The following ST18 variants were observed in gnomAD, a reference collection of about 807,000 sequenced individuals.
ST18 encodes ST18 C2H2C-type zinc finger transcription factor, also known as suppression of tumorigenicity 18 protein.
A neutral mutation model predicts 110.0 loss-of-function variants in ST18; 50 were observed. That is an observed-to-expected ratio of 0.45 (90% CI 0.36 to 0.58). The LOEUF (loss-of-function observed/expected upper bound fraction) is 0.58. ST18 is among the 20% of genes least tolerant of loss of function. The pLI, the probability that ST18 is intolerant of heterozygous loss-of-function variation, is 0.00. For missense variants in ST18, 1,306 were observed against 1,280.1 expected (o/e 1.02, Z -0.31); for synonymous variants, 461 against 452.4 (o/e 1.02, Z -0.24).
At chr8:52,301,907 G>A (rs111619458) in intron 2 of ST18, 2 of 152,410 alleles carry the variant, frequency 1.3e-5, no homozygotes, top group African/African-American at 4.8e-5. Flanking sequence ...GTAAGGAGGT[G>A]GCGTGGGCAC....
intron 2 of ST18, among the ~76,000 whole-genome samples, chr8:52,261,378 C>T (rs191650160): frequency 1.3e-5 from 2 of 152,270 alleles, no homozygotes; most frequent in South Asian, 2.1e-4. Flanking sequence ...CATCTCTGCT[C>T]TACACCATGG....
intron 8 of ST18, among the ~76,000 whole-genome samples, chr8:52,208,324 A>G (rs777379715): frequency 1.3e-5 from 2 of 152,248 alleles, no homozygotes; most frequent in Non-Finnish European, 2.9e-5. Context: ...AAAACATGCC[A>G]CATTTCCTAA....
intron 8 of ST18, among the ~76,000 whole-genome samples, chr8:52,185,959 T>A (rs2071969415): frequency 6.6e-6 from 1 of 152,160 alleles, no homozygotes; most frequent in Non-Finnish European, 1.5e-5. Context: ...TGAAAAACTT[T>A]CATTTATCAG....
At chr8:52,311,413 A>G (rs1425385673) in intron 2 of ST18, among the ~76,000 whole-genome samples, 2 of 152,044 alleles carry the variant, frequency 1.3e-5, no homozygotes, top group East Asian at 3.9e-4. Flanking sequence ...CTGGACCCTC[A>G]CTTCCTGCCT....
chr8:52,398,844 A>AT (rs1178430203), intron 2 of ST18, among the ~76,000 whole-genome samples: 1 of 152,024 alleles, frequency 6.6e-6, no homozygotes, highest in East Asian at 1.9e-4. Context: ...GTTTGCTAAT[A>AT]TTTTGTTGAG....
At chr8:52,285,748 C>T (rs2095460990) in intron 2 of ST18, among the ~76,000 whole-genome samples, 1 of 152,186 alleles carries the variant, frequency 6.6e-6, no homozygotes, top group African/African-American at 2.4e-5. Context: ...GGAATATATC[C>T]AATTTCTGCG....
intron 8 of ST18, among the ~76,000 whole-genome samples, chr8:52,204,838 C>G (rs964043104): frequency 6.6e-6 from 1 of 152,158 alleles, no homozygotes; most frequent in Non-Finnish European, 1.5e-5. Context: ...CTTAGACTCT[C>G]AGCTCCTGTA....
At chr8:52,185,522 T>A (rs908517915) in intron 8 of ST18, among the ~76,000 whole-genome samples, 15 of 152,118 alleles carry the variant, frequency 9.9e-5, no homozygotes, top group African/African-American at 2.9e-4. Flanking sequence ...ATGTCAAAAC[T>A]TGTCATAAAA....
Position 52,365,633 on chromosome 8 carries a change from C to A in ST18, c.-465+43695G>T, listed in dbSNP as rs1194928117. Among the ~76,000 whole-genome samples the A allele has an allele frequency of 4.6e-5, 7 of 151,032 alleles. No homozygotes were observed. In the South Asian group the frequency reaches 6.2e-4, roughly 13 times the overall value. ...TGTCCATGAGTATACTATAACACAT[C>A]AATAAAGATAATAGTTTGCAAATAT... is the stretch of plus-strand genomic sequence containing the variant. On this transcript the variant is annotated intron_variant, in intron 2 of 25. Transcript: ENST00000689386.
chr8:52,362,071 AG>A (rs1472892849), intron 2 of ST18, among the ~76,000 whole-genome samples: 2 of 152,284 alleles, frequency 1.3e-5, no homozygotes, highest in African/African-American at 2.4e-5. Flanking sequence ...TTATCAAAAG[AG>A]GGGGTTATAA....
intron 2 of ST18, among the ~76,000 whole-genome samples, chr8:52,244,443 T>G (rs2093682078): frequency 6.6e-6 from 1 of 152,172 alleles, no homozygotes; most frequent in Admixed American, 6.5e-5. Flanking sequence ...CTCATTTTGT[T>G]TAGAGTTGGA....
intron 2 of ST18, among the ~76,000 whole-genome samples, chr8:52,347,187 A>G (rs1818167389): frequency 6.6e-6 from 1 of 152,236 alleles, no homozygotes; most frequent in Admixed American, 6.5e-5. Flanking sequence ...GTAAGAAATA[A>G]TAAGTAAGAA....
intron 8 of ST18, among the ~76,000 whole-genome samples, chr8:52,193,514 C>T (rs999071563): frequency 1.4e-4 from 21 of 152,250 alleles, no homozygotes; most frequent in Non-Finnish European, 2.9e-4. Flanking sequence ...TTCCATAGAA[C>T]CTGCACTGCA....
chr8:52,330,143 TTA>T (rs1376675673), intron 2 of ST18, among the ~76,000 whole-genome samples: 1 of 152,246 alleles, frequency 6.6e-6, no homozygotes, highest in African/African-American at 2.4e-5. Flanking sequence ...ACCGTTTTCT[TTA>T]TGTGTCTAGT....
At chr8:52,398,249 CT>C (rs1333793765) in intron 2 of ST18, among the ~76,000 whole-genome samples, 4 of 152,156 alleles carry the variant, frequency 2.6e-5, no homozygotes, top group African/African-American at 9.6e-5. Context: ...TGAAATGTAA[CT>C]GATTTTCTAT....
chr8:52,327,692 G>T (rs1807127292), intron 2 of ST18, among the ~76,000 whole-genome samples: 1 of 152,144 alleles, frequency 6.6e-6, no homozygotes, highest in African/African-American at 2.4e-5. Context: ...CTCTGCCAGT[G>T]CCACCCAGTT....
chr8:52,393,491 A>C (rs1840006616), intron 2 of ST18: 2 of 152,064 alleles, frequency 1.3e-5, no homozygotes, highest in African/African-American at 4.8e-5. Context: ...ACCATATAAA[A>C]CTGCAGATAC....
chr8:52,323,761 T>C (rs1805048778), intron 2 of ST18, among the ~76,000 whole-genome samples: 1 of 152,126 alleles, frequency 6.6e-6, no homozygotes, highest in Admixed American at 6.6e-5. Flanking sequence ...TGGCAGTGTA[T>C]GGTTTGCTCC....
chr8:52,292,566 G>T (rs1348527154), intron 2 of ST18, among the ~76,000 whole-genome samples: 1 of 152,166 alleles, frequency 6.6e-6, no homozygotes, highest in Non-Finnish European at 1.5e-5. Flanking sequence ...TCTGAACTCT[G>T]ACGTGTTATT....
Sources: allele counts gnomAD v4.1 joint callset (sites outside exome capture counted in the v4.1 genomes callset), GRCh38; gene constraint gnomAD v4.1.1; transcripts MANE v1.5; gene names NCBI Gene and HGNC (gene_info 2026-07-23, HGNC 2026-07-21).